Variants in PKHD1L1 observed in about 807,000 individuals in gnomAD.
PKHD1L1 encodes the protein fibrocystin-L.
PKHD1L1 carries 434 observed loss-of-function variants against 462.9 expected under a neutral mutation model. That is an observed-to-expected ratio of 0.94 (90% confidence interval 0.87 to 1.02). The LOEUF (loss-of-function observed/expected upper bound fraction) is 1.02. Ranked by LOEUF, PKHD1L1 falls within the 50% of genes least tolerant of loss-of-function variation. The pLI is 0.00. For synonymous variants in PKHD1L1, 1,781 were observed against 1,750.0 expected (o/e 1.02, Z -0.44); for missense variants, 5,202 against 5,096.1 (o/e 1.02, Z -0.63).
chr8:109,415,004 A>T (rs1410230370), intron 21 of PKHD1L1, among the ~76,000 whole-genome samples: 76 of 118,364 alleles, frequency 6.4e-4, no homozygotes, highest in African/African-American at 1.8e-3. Context: ...TATTATTATT[A>T]TTATTATTTT....
chr8:109,427,602 A>G (rs1279662219), intron 25 of PKHD1L1, among the ~76,000 whole-genome samples: 1 of 150,878 alleles, frequency 6.6e-6, no homozygotes, highest in African/African-American at 2.5e-5. Context: ...TTCATAAGGG[A>G]GTAACACCTT....
intron 2 of PKHD1L1, among the ~76,000 whole-genome samples, chr8:109,374,859 C>T (rs1426235392): frequency 1.3e-5 from 2 of 152,146 alleles, no homozygotes; most frequent in African/African-American, 4.8e-5. Flanking sequence ...AGAGTTTCTG[C>T]CGAGAGATCA....
chr8:109,436,681 G>T (rs1815434611), intron 30 of PKHD1L1, among the ~76,000 whole-genome samples: 1 of 152,096 alleles, frequency 6.6e-6, no homozygotes, highest in African/African-American at 2.4e-5. Flanking sequence ...ATGAAGAAAA[G>T]AGACACATAA....
At chr8:109,434,867 A>G (rs970913003) in intron 28 of PKHD1L1, among the ~76,000 whole-genome samples, 2 of 150,182 alleles carry the variant, frequency 1.3e-5, no homozygotes, top group African/African-American at 2.5e-5. Context: ...TATTAAATAA[A>G]TGAGCTTATA....
rs2131062710 is a variant in PKHD1L1 at position 109,531,368 on chromosome 8, G to C, written c.*1278G>C. Among the ~76,000 whole-genome samples the C allele has an allele frequency of 6.6e-6, 1 of 152,308 alleles. No individual in the cohort carries two copies. Among genetic ancestry groups the C allele is most frequent in the South Asian group, 2.1e-4 (1 of 4,826 alleles). ...AAGATGCTATGCCTTCCCTCGAAGA[G>C]TTTTCAGGATATTTGGGGAAAGAAT... On this transcript the variant is annotated 3_prime_UTR_variant, in exon 78 of 78. Coordinates refer to ENST00000378402, the MANE Select transcript of PKHD1L1 (RefSeq NM_177531.6).
At chr8:109,424,921 G>A (rs937393652) in intron 23 of PKHD1L1, among the ~76,000 whole-genome samples, 164 bp from the exon 24 acceptor site, 1 of 152,106 alleles carries the variant, frequency 6.6e-6, no homozygotes, top group Non-Finnish European at 1.5e-5. Flanking sequence ...AGCCATATAG[G>A]TATGGCCTGT....
intron 34 of PKHD1L1, 32 bp from the exon 35 acceptor site, chr8:109,441,975 C>A (rs1033627486): frequency 2.5e-5 from 37 of 1,494,244 alleles, no homozygotes; most frequent in Admixed American, 7.1e-5. Context: ...TTCTCTTTTT[C>A]TTTTAAAATA....
At chr8:109,497,948 C>A (rs73704043) in intron 65 of PKHD1L1, among the ~76,000 whole-genome samples, 6,889 of 152,156 alleles carry the variant, frequency 0.045, 418 homozygotes, top group African/African-American at 0.14. Context: ...TGTCTGTCTT[C>A]CCTCTCCTAT....
At chr8:109,496,765 A>C (rs186868149) in intron 63 of PKHD1L1, among the ~76,000 whole-genome samples, 154 bp from the exon 64 acceptor site, 1 of 152,382 alleles carries the variant, frequency 6.6e-6, no homozygotes, top group East Asian at 1.9e-4. Context: ...CATAAATGGC[A>C]GAGCCATAAA....
chr8:109,501,451 A>G (rs2130954403), intron 67 of PKHD1L1, among the ~76,000 whole-genome samples: 1 of 152,350 alleles, frequency 6.6e-6, no homozygotes, highest in South Asian at 2.1e-4. Context: ...TCACACCAGG[A>G]ATACATGTCA....
chr8:109,452,147 T>TCA lies in PKHD1L1; in HGVS notation c.6376_6377dup (p.Ile2127ProfsTer2), dbSNP rs753826409. ...AGTGAAAATATGGAGGATGTTCATA[T>TCA]CACCATAGCTGAAGCCAAATGTGAT... On this transcript the variant is annotated frameshift_variant, in exon 42 of 78. Transcript: ENST00000378402. LOFTEE classifies it high-confidence loss of function. The TCA allele has an allele frequency of 1.2e-6, 2 of 1,611,168 alleles. No individual in the cohort carries two copies. Among genetic ancestry groups the TCA allele is most frequent in the South Asian group, 2.2e-5 (2 of 90,308 alleles).
intron 67 of PKHD1L1, 57 bp from the exon 68 acceptor site, chr8:109,504,270 C>A: frequency 1.8e-6 from 2 of 1,130,036 alleles, no homozygotes; most frequent in South Asian, 4.1e-5. Flanking sequence ...TGCATTAAAT[C>A]TGATTTTATC....
At chr8:109,436,569 C>T in intron 30 of PKHD1L1, 110 bp downstream of exon 30, 1 of 1,490,698 alleles carries the variant, frequency 6.7e-7, no homozygotes, top group Non-Finnish European at 8.9e-7. Flanking sequence ...TACTTAGGAA[C>T]TGCAGGGTTT....
At chr8:109,463,774 A>C (rs984221321) in intron 48 of PKHD1L1, among the ~76,000 whole-genome samples, 16 of 152,216 alleles carry the variant, frequency 1.1e-4, no homozygotes, top group African/African-American at 3.6e-4. Flanking sequence ...AGTCAATGGT[A>C]AGTGCCTACT....
Position 109,535,501 on chromosome 8 carries a change from T to C in PKHD1L1, c.*5411T>C, listed in dbSNP as rs894043686. Among the ~76,000 whole-genome samples, 2 of 152,218 alleles carry C rather than the reference T, an allele frequency of 1.3e-5. No individual in the cohort carries two copies. Among genetic ancestry groups the C allele is most frequent in the Admixed American group, 1.3e-4 (2 of 15,288 alleles). ...AAATTAATTTTCACTGTATGAAATG[T>C]ACAGTATACATAGACCAACTCCTTT... On this transcript the variant is annotated 3_prime_UTR_variant, in exon 78 of 78. Coordinates refer to ENST00000378402, the MANE Select transcript of PKHD1L1 (RefSeq NM_177531.6).
At position 109,485,105 on chromosome 8, in the gene PKHD1L1, G is replaced by A. The variant is rs1281350457; in HGVS notation, c.9638G>A (p.Ser3213Asn). 6.2e-7 allele frequency: 1 copy of A among 1,602,888 alleles called. No homozygotes were observed. The highest frequency in any genetic ancestry group is 2.3e-5 in the East Asian group (1 of 44,444). Residue 3213 changes from serine (S) to asparagine (N), a missense_variant, in exon 58 of 78, where the codon AGT becomes AAT. Transcript: ENST00000378402. ...SYDFHQTETR[S>N]IVKILHDHKI... ...GATTTCCACCAGACAGAAACAAGAA[G>A]TATCGTTAAAATCCTGCATGATCAT...
chr8:109,423,185 T>C (rs13262995), intron 23 of PKHD1L1, among the ~76,000 whole-genome samples: 45,076 of 151,648 alleles, frequency 0.3, 7,275 homozygotes, highest in Admixed American at 0.43. Flanking sequence ...TTTTGAACGG[T>C]GCTTTTGGTT....
In PKHD1L1 at chr8:109,508,140, G is replaced by C. The variant is rs1819791120; in HGVS notation, c.11271G>C (p.Gln3757His). ...CCTGTAAGTACCTTCCAGAGTGGCA[G>C]AGCTATCAGTGCTTTGGGATGGAAT... ...DSTCKYLPEW[Q>H]SYQCFGMEYA... Residue 3757 changes from glutamine to histidine, a missense_variant, in exon 70 of 78, where the codon CAG becomes CAC. Gln to His is a conservative substitution (Grantham distance 24, BLOSUM62 0). This residue lies in a region of PKHD1L1 where 698 missense variants were observed against 736.3 expected (regional missense o/e 0.95). Coordinates refer to ENST00000378402, the MANE Select transcript of PKHD1L1 (RefSeq NM_177531.6). 3 of 1,612,650 alleles carry C rather than the reference G, an allele frequency of 1.9e-6. No individual in the cohort carries two copies. In the Admixed American group the frequency reaches 5.0e-5, roughly 27 times the overall value.
chr8:109,463,855 C>G (rs574185678), intron 48 of PKHD1L1, among the ~76,000 whole-genome samples: 1 of 152,230 alleles, frequency 6.6e-6, no homozygotes, highest in Admixed American at 6.6e-5. Context: ...ATAAAACATT[C>G]AAGAAATGTT....
Sources: gnomAD v4.1 joint callset for allele counts (sites outside exome capture counted in the v4.1 genomes callset) on GRCh38, gnomAD v4.1.1 for gene constraint, gnomAD v4.1.1 regional missense constraint, MANE v1.5 for transcripts, NCBI Gene and HGNC (gene_info 2026-07-23, HGNC 2026-07-21) for gene names.